The following DSC3 variants were observed in gnomAD, a reference collection of about 807,000 sequenced individuals.
The protein encoded by DSC3 is desmocollin 3.
Under a neutral mutation model 89.5 loss-of-function variants are expected in DSC3, and 97 were observed. The ratio of observed to expected loss-of-function variants is 1.08; its 90% CI spans 0.92 to 1.28. The LOEUF (loss-of-function observed/expected upper bound fraction) is 1.28. Ranked by LOEUF, DSC3 falls within the 50% of genes most tolerant of loss-of-function variation. The pLI, the probability that DSC3 is intolerant of heterozygous loss-of-function variation, is 0.00. For synonymous variants in DSC3, 436 were observed against 384.1 expected, an observed-to-expected ratio of 1.14 and a Z score of -1.58; for missense variants, 1,199 against 1,085.3, an observed-to-expected ratio of 1.10 and a Z score of -1.47.
intron 13 of DSC3, among the ~76,000 whole-genome samples, chr18:31,003,893 G>T (rs1449385503): frequency 6.6e-6 from 1 of 152,130 alleles, no homozygotes; most frequent in Non-Finnish European, 1.5e-5. Flanking sequence ...AAGACTATTT[G>T]TTTGTCAGAT....
intron 9 of DSC3, among the ~76,000 whole-genome samples, chr18:31,015,909 C>T (rs536331648): frequency 6.6e-6 from 1 of 152,098 alleles, no homozygotes; most frequent in Non-Finnish European, 1.5e-5. Context: ...AGAATCTCAT[C>T]GAAACAGTAT....
intron 11 of DSC3, 92 bp downstream of exon 11, chr18:31,007,924 T>TA: frequency 8.3e-7 from 1 of 1,202,168 alleles, no homozygotes; most frequent in Non-Finnish European, 1.2e-6. Context: ...AAGAATTCCA[T>TA]ACACTTACCA....
chr18:31,006,259 C>T (rs1984835814), intron 12 of DSC3, among the ~76,000 whole-genome samples: 1 of 151,524 alleles, frequency 6.6e-6, no homozygotes, highest in Non-Finnish European at 1.5e-5. Flanking sequence ...ACAATTTAAA[C>T]TACACATCTT....
chr18:31,038,499 T>C (rs1445897723), intron 1 of DSC3, among the ~76,000 whole-genome samples: 2 of 152,206 alleles, frequency 1.3e-5, no homozygotes, highest in Non-Finnish European at 2.9e-5. Flanking sequence ...ATTCATGTTA[T>C]TTTACTTTTT....
intron 5 of DSC3, 41 bp downstream of exon 5, chr18:31,025,719 G>A (rs779687735): frequency 3.8e-6 from 6 of 1,592,228 alleles, no homozygotes; most frequent in Admixed American, 1.7e-5. Flanking sequence ...AAGAAACATA[G>A]TTTAATAATT....
rs144308178 is a variant in DSC3, at chr18:31,001,572, T to C, written c.2235+46A>G. ...TTGAAATGAGTTTATGAGGATGAAT[T>C]AAATTATCGGAGATACAAATACATA... On this transcript the variant is annotated intron_variant, in intron 14 of 15. Transcript: ENST00000360428. 696 of 1,594,868 alleles carry C rather than the reference T, an allele frequency of 4.4e-4. 1 individual carries two copies. The African/African-American group carries it at 8.1e-3, about 19-fold the overall frequency.
Position 31,001,089 on chromosome 18 carries a change from GTATATA to G in DSC3, c.2235+523_2235+528del, listed in dbSNP as rs67608580. ...GTGTTTATATATACTTTGTGTGTGT[GTATATA>G]TATATATATATATATATACTTTACA... On this transcript the variant is annotated intron_variant, in intron 14 of 15. Coordinates refer to ENST00000360428, the MANE Select transcript of DSC3 (RefSeq NM_001941.5). Among the ~76,000 whole-genome samples the G allele has an allele frequency of 2.1e-4, 26 of 126,046 alleles. No individual in the cohort carries two copies. The East Asian group carries it at 3.6e-3, about 18-fold the overall frequency. The allele number at this position is 126,046 out of a possible 152,430, so 82.7% of individuals were successfully genotyped here. A position where few individuals can be genotyped will look rare whatever the true frequency, so the allele number is the denominator to read the frequency against.
rs1984360025 is a variant in DSC3, at chr18:30,993,906, A to C, written c.*269T>G. On this transcript the variant is annotated 3_prime_UTR_variant, in exon 16 of 16. Coordinates refer to ENST00000360428, the MANE Select transcript of DSC3 (RefSeq NM_001941.5). ...ATTTATCCAGCATATTTATTACTAA[A>C]ATATCCGTAAAAAAAAAAAAGAGCA... The C allele has an allele frequency of 6.0e-6, 2 of 334,696 alleles. No individual in the cohort carries two copies. Among genetic ancestry groups the C allele is most frequent in the African/African-American group, 4.4e-5 (2 of 45,014 alleles). 20.7% of individuals were successfully genotyped at this position (334,696 alleles called of 1,614,324 possible). A position where few individuals can be genotyped will look rare whatever the true frequency, so the allele number is the denominator to read the frequency against.
intron 3 of DSC3, among the ~76,000 whole-genome samples, chr18:31,029,881 G>A (rs923183508): frequency 1.3e-5 from 2 of 152,188 alleles, no homozygotes; most frequent in Non-Finnish European, 2.9e-5. Flanking sequence ...ATACTTTCAT[G>A]TTAGGAAAAT....
Position 30,994,228 on chromosome 18 carries a change from T to G in DSC3, c.2638A>C (p.Asn880His). Residue 880 changes from asparagine (N) to histidine (H), a missense_variant, in exon 16 of 16, where the codon AAT becomes CAT. Physicochemically the swap from Asn to His is moderately conservative, Grantham distance 68. Transcript: ENST00000360428. ...GTAATAAATTTGGGTTCCAAATTAT[T>G]TAAAAAGTCAAGGCCATCTTCTTCC... ...KQEEDGLDFLNNLEPKFITLA... is the reference protein window; with the variant it reads ...KQEEDGLDFLHNLEPKFITLA... 6.2e-7 allele frequency: 1 copy of G among 1,614,104 alleles called. No homozygotes were observed. Among genetic ancestry groups the G allele is most frequent in the Non-Finnish European group, 8.5e-7 (1 of 1,180,004 alleles).
At position 30,992,431 on chromosome 18, in the gene DSC3, T is replaced by G. The variant is rs1361531074; in HGVS notation, c.*1744A>C. On this transcript the variant is annotated 3_prime_UTR_variant, in exon 16 of 16. Coordinates refer to ENST00000360428, the MANE Select transcript of DSC3 (RefSeq NM_001941.5). ...CATGCAGTCAGCTCTGTCTCCTTGA[T>G]TTCTCACTCCAAATAAGGTGAGCCA... The G allele has an allele frequency of 6.6e-6, 1 of 152,210 alleles. No homozygotes were observed. Among genetic ancestry groups the G allele is most frequent in the South Asian group, 2.1e-4 (1 of 4,832 alleles). 9.4% of individuals were successfully genotyped at this position (152,210 alleles called of 1,614,324 possible). A position where few individuals can be genotyped will look rare whatever the true frequency, so the allele number is the denominator to read the frequency against.
chr18:30,996,935 T>C lies in DSC3; in HGVS notation c.2349A>G (p.Lys783=). The change falls in exon 15 of 16, where the codon AAA becomes AAG. Residue 783 remains lysine, a synonymous_variant. Transcript: ENST00000360428. The part of the protein sequence containing the change: ...NGGQETIEMM[K]GGNQTLESCR... The stretch of plus-strand genomic sequence containing the variant: ...AGGATTCCAAGGTCTGGTTTCCTCC[T>C]TTCATCATTTCAATGGTTTCCTGCC... 6.2e-7 allele frequency: 1 copy of C among 1,614,146 alleles called. No homozygotes were observed. Among genetic ancestry groups the C allele is most frequent in the Non-Finnish European group, 8.5e-7 (1 of 1,180,022 alleles).
intron 4 of DSC3, 106 bp downstream of exon 4, chr18:31,029,403 C>A: frequency 6.9e-7 from 1 of 1,443,190 alleles, no homozygotes. Flanking sequence ...TCATGAACAT[C>A]TTTAATCAGA....
rs750238188 is a variant in DSC3 at position 31,018,152 on chromosome 18, G to A, written c.1182C>T (p.Thr394=). ...INTANWRVNF[T]ILKGNENGHF... ...GTCCATTTTCATTTCCCTTTAAAAT[G>A]GTAAAATTGACTCTCCAATTGGCAG... Residue 394 remains threonine, a synonymous_variant, in exon 9 of 16, where the codon ACC becomes ACT. Coordinates refer to ENST00000360428, the MANE Select transcript of DSC3 (RefSeq NM_001941.5). 5 of 1,611,926 alleles carry A rather than the reference G, an allele frequency of 3.1e-6. No homozygotes were observed. The highest frequency in any genetic ancestry group is 3.4e-6 in the Non-Finnish European group (4 of 1,178,930).
At position 31,022,335 on chromosome 18, in the gene DSC3, C is replaced by T. The variant is rs756609057; in HGVS notation, c.942+1G>A. On this transcript the variant is annotated splice_donor_variant, in intron 7 of 15. Coordinates refer to ENST00000360428, the MANE Select transcript of DSC3 (RefSeq NM_001941.5). LOFTEE classifies it high-confidence loss of function. ...GAAATTCTATGGAGTGTGTGAGCTA[C>T]CTCTCTGTCCAAATAATGAGAGACT... is the stretch of plus-strand genomic sequence containing the variant. The T allele has an allele frequency of 1.9e-6, 3 of 1,613,780 alleles. No individual in the cohort carries two copies. The highest frequency in any genetic ancestry group is 4.5e-5 in the East Asian group (2 of 44,884).
In DSC3 at chr18:31,008,106, C is replaced by A. The variant is rs1467044080; in HGVS notation, c.1573G>T (p.Gly525Trp). The A allele has an allele frequency of 2.5e-6, 4 of 1,612,570 alleles. No homozygotes were observed. Among genetic ancestry groups the A allele is most frequent in the Non-Finnish European group, 3.4e-6 (4 of 1,179,376 alleles). ...KGWITIDEIS[G>W]SIITSKILDR... ...AGGATTTTGGAAGTTATGATTGACC[C>A]TGAAATTTCATCAATGGTGATCCAA... Residue 525 changes from glycine (G) to tryptophan (W), a missense_variant, in exon 11 of 16, where the codon GGG becomes TGG. Gly to Trp is a radical substitution (Grantham distance 184, BLOSUM62 -2). Coordinates refer to ENST00000360428, the MANE Select transcript of DSC3 (RefSeq NM_001941.5).
chr18:31,018,881 C>T (rs995885935), intron 7 of DSC3, 81 bp from the exon 8 acceptor site: 3 of 1,219,666 alleles, frequency 2.5e-6, no homozygotes, highest in Non-Finnish European at 3.5e-6. Context: ...CACACTCACT[C>T]ACTCACATAC....
chr18:31,038,275 G>T (rs1034038644), intron 1 of DSC3, among the ~76,000 whole-genome samples: 3 of 152,104 alleles, frequency 2.0e-5, no homozygotes, highest in African/African-American at 4.8e-5. Flanking sequence ...AAAGTACATT[G>T]TTCCATATAA....
At position 31,018,777 on chromosome 18, in the gene DSC3, T is replaced by C; in HGVS notation, c.966A>G (p.Ile322Met). 6.2e-7 allele frequency: 1 copy of C among 1,613,788 alleles called. No individual in the cohort carries two copies. Among genetic ancestry groups the C allele is most frequent in the Non-Finnish European group, 8.5e-7 (1 of 1,179,914 alleles). ...DREVVDKYSL[I>M]MKVQDMDGQF... ...GGCCATCCATGTCTTGTACTTTCATTATCAATGAGTACTTGTCTACAACCT... is the reference window on the plus strand; with the variant it reads ...GGCCATCCATGTCTTGTACTTTCATCATCAATGAGTACTTGTCTACAACCT... Residue 322 changes from isoleucine (I) to methionine (M), a missense_variant, in exon 8 of 16, where the codon ATA (isoleucine) becomes ATG (methionine). By Grantham distance (10) the Ile-to-Met change is conservative (BLOSUM62 1). Coordinates refer to ENST00000360428, the MANE Select transcript of DSC3 (RefSeq NM_001941.5).
Sources: gnomAD v4.1 joint callset for allele counts (sites outside exome capture counted in the v4.1 genomes callset) on GRCh38, gnomAD v4.1.1 for gene constraint, MANE v1.5 for transcripts, NCBI Gene and HGNC (gene_info 2026-07-23, HGNC 2026-07-21) for gene names.